Variants in HPRT1 observed in about 807,000 individuals in gnomAD.
HPRT1 encodes the protein hypoxanthine phosphoribosyltransferase 1.
Under a neutral mutation model 19.0 loss-of-function variants are expected in HPRT1, and 4 were observed. The observed-to-expected ratio is 0.21, with a 90% CI of 0.10 to 0.48. The LOEUF is 0.48. Ranked by LOEUF, HPRT1 falls within the 20% of genes least tolerant of loss-of-function variation. The probability of loss-of-function intolerance (pLI) is 0.98; values close to 1 mark genes in which losing one functional copy is unlikely to be tolerated. For synonymous variants in HPRT1, 53 were observed against 54.9 expected, an observed-to-expected ratio of 0.97 and a Z score of 0.15; for missense variants, 65 against 164.0, an observed-to-expected ratio of 0.40 and a Z score of 3.30.
chrX:134,464,563 T>C (rs924215328), intron 1 of HPRT1, among the ~76,000 whole-genome samples: 2 of 111,964 alleles, frequency 1.8e-5, no homozygotes, highest in African/African-American at 6.5e-5. Flanking sequence ...TTCACATAGC[T>C]CATTTTTATC....
chrX:134,498,708 A>G, intron 8 of HPRT1, 24 bp downstream of exon 8: 4 of 1,012,498 alleles, frequency 4.0e-6, no homozygotes, highest in Non-Finnish European at 4.2e-6. Context: ...TCTTTTTCTC[A>G]CTCATTTTTC....
intron 1 of HPRT1, among the ~76,000 whole-genome samples, chrX:134,462,798 A>G (rs2077588197): frequency 8.9e-6 from 1 of 112,445 alleles, no homozygotes; most frequent in East Asian, 2.8e-4. Context: ...CATGTTAGCA[A>G]TAACAAATGC....
Position 134,500,136 on chromosome X carries a change from A to G in HPRT1, c.*59A>G. On this transcript the variant is annotated 3_prime_UTR_variant, in exon 9 of 9. Coordinates refer to ENST00000298556, the MANE Select transcript of HPRT1 (RefSeq NM_000194.3). The stretch of plus-strand genomic sequence containing the variant: ...GAGTCCTATTGACATCGCCAGTAAA[A>G]TTATCAATGTTCTAGTTCTGTGGCC... 1 of 773,873 alleles carries G rather than the reference A, an allele frequency of 1.3e-6. No individual in the cohort carries two copies. The highest frequency in any genetic ancestry group is 2.0e-6 in the Non-Finnish European group (1 of 495,404). 63.8% of individuals were successfully genotyped at this position (773,873 alleles called of 1,213,427 possible). A position where few individuals can be genotyped will look rare whatever the true frequency, so the allele number is the denominator to read the frequency against.
chrX:134,464,087 A>T lies in HPRT1; in HGVS notation c.27+3749A>T, dbSNP rs183375089. Among the ~76,000 whole-genome samples the T allele has an allele frequency of 4.0e-4, 45 of 111,852 alleles. 1 individual carries two copies. In the Middle Eastern group the frequency reaches 0.032, roughly 80 times the overall value. ...AAAAGGAAAAATTGTAATATTGGGTAAATTCATGTCCTTACACATGTAGTA... is the reference window on the plus strand; with the variant it reads ...AAAAGGAAAAATTGTAATATTGGGTTAATTCATGTCCTTACACATGTAGTA... On this transcript the variant is annotated intron_variant, in intron 1 of 8. Coordinates refer to ENST00000298556, the MANE Select transcript of HPRT1 (RefSeq NM_000194.3).
Position 134,500,404 on chromosome X carries a change from T to C in HPRT1, c.*327T>C. On this transcript the variant is annotated 3_prime_UTR_variant, in exon 9 of 9. Coordinates refer to ENST00000298556, the MANE Select transcript of HPRT1 (RefSeq NM_000194.3). ...ATAAAGAGAAGATATATTAGTTTTT[T>C]AATTGGTATTTTAATTTTTATATAT... is the stretch of plus-strand genomic sequence containing the variant. The C allele has an allele frequency of 5.4e-6, 1 of 185,409 alleles. No homozygotes were observed. Among genetic ancestry groups the C allele is most frequent in the African/African-American group, 2.9e-5 (1 of 34,027 alleles). The allele number at this position is 185,409 out of a possible 1,213,427, so 15.3% of individuals were successfully genotyped here. A position where few individuals can be genotyped will look rare whatever the true frequency, so the allele number is the denominator to read the frequency against.
chrX:134,497,907 A>G (rs1226422784), intron 6 of HPRT1, among the ~76,000 whole-genome samples: 1 of 109,730 alleles, frequency 9.1e-6, no homozygotes, highest in African/African-American at 3.3e-5. Flanking sequence ...AGATCGCGCC[A>G]CTGCACTCCA....
chrX:134,487,162 C>G (rs2077656111), intron 4 of HPRT1, among the ~76,000 whole-genome samples: 1 of 111,474 alleles, frequency 9.0e-6, no homozygotes, highest in African/African-American at 3.2e-5. Context: ...TTTTCTTGTA[C>G]CTTAAAATTC....
Position 134,476,498 on chromosome X carries a change from C to T in HPRT1, c.318+1134C>T, listed in dbSNP as rs1430709110. On this transcript the variant is annotated intron_variant, in intron 3 of 8. Coordinates refer to ENST00000298556, the MANE Select transcript of HPRT1 (RefSeq NM_000194.3). ...GATTGATTGATTGATTGATGGTTTA[C>T]AGTAGGACTTCATTCTAGTCATTAT... 2.7e-5 allele frequency among the ~76,000 whole-genome samples: 3 copies of T among 112,126 alleles called. No homozygotes were observed. In the Admixed American group the frequency reaches 2.9e-4, roughly 11 times the overall value.
chrX:134,482,657 G>A (rs1055026045), intron 3 of HPRT1, among the ~76,000 whole-genome samples: 1 of 110,883 alleles, frequency 9.0e-6, no homozygotes, highest in Non-Finnish European at 1.9e-5. Context: ...CTTCATCAGT[G>A]TCGTTTTTTA....
chrX:134,478,271 A>AT (rs1009418556), intron 3 of HPRT1, among the ~76,000 whole-genome samples: 14 of 110,107 alleles, frequency 1.3e-4, no homozygotes, highest in Non-Finnish European at 2.1e-4. Flanking sequence ...ACACCCATCT[A>AT]TTTTTTTTTG....
chrX:134,469,408 T>C (rs1639243231), intron 1 of HPRT1, among the ~76,000 whole-genome samples: 1 of 111,297 alleles, frequency 9.0e-6, no homozygotes, highest in Non-Finnish European at 1.9e-5. Flanking sequence ...GACATAAGTA[T>C]GGTATGTAAA....
At chrX:134,490,165 T>A (rs1390226646) in intron 4 of HPRT1, 23 bp from the exon 5 acceptor site, 6 of 999,402 alleles carry the variant, frequency 6.0e-6, no homozygotes, top group Non-Finnish European at 8.4e-6. Context: ...TTGTACTGAT[T>A]TTCATTTCTC....
Position 134,475,252 on chromosome X carries a change from AG to A in HPRT1, c.212del (p.Gly71AlafsTer15). On this transcript the variant is annotated frameshift_variant, in exon 3 of 9. Transcript: ENST00000298556. LOFTEE classifies it high-confidence loss of function. ...GHHIVALCVL[K>X]GGYKFFADLL... ...CACATTGTAGCCCTCTGTGTGCTCAAGGGGGGCTATAAATTCTTTGCTGACC... is the reference window on the plus strand; with the variant it reads ...CACATTGTAGCCCTCTGTGTGCTCAAGGGGGCTATAAATTCTTTGCTGACC... 8.4e-7 allele frequency: 1 copy of A among 1,194,678 alleles called. No individual in the cohort carries two copies. Among genetic ancestry groups the A allele is most frequent in the Non-Finnish European group, 1.1e-6 (1 of 879,995 alleles).
intron 3 of HPRT1, among the ~76,000 whole-genome samples, chrX:134,481,495 A>ATC (rs2077639440): frequency 1.0e-5 from 1 of 98,101 alleles, no homozygotes; most frequent in Admixed American, 1.2e-4. Context: ...CTCTATCTCT[A>ATC]TCTGTCTATC....
intron 5 of HPRT1, among the ~76,000 whole-genome samples, chrX:134,490,874 A>G (rs2077664582): frequency 9.2e-6 from 1 of 108,625 alleles, no homozygotes; most frequent in Non-Finnish European, 1.9e-5. Context: ...CTTTCTCATT[A>G]AGGCCTTCCC....
chrX:134,485,110 G>T (rs2077649577), intron 3 of HPRT1, among the ~76,000 whole-genome samples: 1 of 112,417 alleles, frequency 8.9e-6, no homozygotes, highest in Non-Finnish European at 1.9e-5. Flanking sequence ...AAGAAGCTAT[G>T]CCAATTAATA....
chrX:134,483,457 C>A lies in HPRT1; in HGVS notation c.319-3008C>A, dbSNP rs756777453. 4.5e-5 allele frequency among the ~76,000 whole-genome samples: 5 copies of A among 111,525 alleles called. No individual in the cohort carries two copies. The South Asian group carries it at 1.9e-3, about 42-fold the overall frequency. ...GACATTAAGGGTATGTGTTTGTAGTCCCAAAGAGCTTCTCTGGCAATTTTA... is the reference window on the plus strand; with the variant it reads ...GACATTAAGGGTATGTGTTTGTAGTACCAAAGAGCTTCTCTGGCAATTTTA... On this transcript the variant is annotated intron_variant, in intron 3 of 8. Coordinates refer to ENST00000298556, the MANE Select transcript of HPRT1 (RefSeq NM_000194.3).
chrX:134,489,588 T>G (rs187447949), intron 4 of HPRT1, among the ~76,000 whole-genome samples: 1 of 111,344 alleles, frequency 9.0e-6, no homozygotes, highest in Non-Finnish European at 1.9e-5. Flanking sequence ...GGGTAATTAT[T>G]AGATGGTATT....
chrX:134,461,323 G>A (rs1220125361), intron 1 of HPRT1, among the ~76,000 whole-genome samples: 2 of 112,205 alleles, frequency 1.8e-5, no homozygotes, highest in Non-Finnish European at 3.8e-5. Flanking sequence ...CACAGTACTT[G>A]GCTTGTAAGA....
Sources: allele counts gnomAD v4.1 joint callset (sites outside exome capture counted in the v4.1 genomes callset), GRCh38; gene constraint gnomAD v4.1.1; transcripts MANE v1.5; gene names NCBI Gene and HGNC (gene_info 2026-07-23, HGNC 2026-07-21).